GCC2: variants seen among roughly 807,000 people sequenced by gnomAD.
GCC2 encodes the protein GRIP and coiled-coil domain-containing protein 2.
Under a neutral mutation model 210.6 loss-of-function variants are expected in GCC2, and 120 were observed. The observed-to-expected ratio is 0.57, with a 90% CI of 0.49 to 0.66. The LOEUF (loss-of-function observed/expected upper bound fraction) is 0.66, where lower values mean the gene tolerates loss of function less well. GCC2 is among the 30% of genes least tolerant of loss of function. The pLI, the probability that GCC2 is intolerant of heterozygous loss-of-function variation, is 0.00. For missense variants in GCC2, 1,868 were observed against 1,871.9 expected, an observed-to-expected ratio of 1.00 and a Z score of 0.04; for synonymous variants, 703 against 652.7, an observed-to-expected ratio of 1.08 and a Z score of -1.17.
At position 108,470,080 on chromosome 2, in the gene GCC2, G is replaced by A; in HGVS notation, c.751G>A (p.Glu251Lys). ...LLQLKAIHQE[E>K]VKELMCQIEA... Reference sequence around the variant, plus strand: ...ACAGTTGAAAGCTATACACCAAGAAGAGGTGAAAGAGTTGATGTGCCAGAT... The same window carrying A: ...ACAGTTGAAAGCTATACACCAAGAAAAGGTGAAAGAGTTGATGTGCCAGAT... The change falls in exon 6 of 23, where the codon GAG becomes AAG. Residue 251 changes from glutamate (E) to lysine (K), a missense_variant. This residue lies in a region of GCC2 where 1,847 missense variants were observed against 1,765.2 expected (regional missense o/e 1.05). Transcript: ENST00000309863. 1.2e-6 allele frequency: 2 copies of A among 1,613,646 alleles called. No homozygotes were observed. Among genetic ancestry groups the A allele is most frequent in the Admixed American group, 3.3e-5 (2 of 60,010 alleles).
At position 108,470,352 on chromosome 2, in the gene GCC2, A is replaced by T; in HGVS notation, c.1023A>T (p.Leu341Phe). The T allele has an allele frequency of 6.2e-7, 1 of 1,605,736 alleles. No homozygotes were observed. Among genetic ancestry groups the T allele is most frequent in the Non-Finnish European group, 8.5e-7 (1 of 1,175,318 alleles). ...AAGTCAAACACTTAGAAGATACCTT[A>T]AAAGAACTTGAATCTCAACACAGTA... ...NEKVKHLEDTLKELESQHSIL... is the reference protein window; with the variant it reads ...NEKVKHLEDTFKELESQHSIL... The change falls in exon 6 of 23, where the codon TTA (leucine) becomes TTT (phenylalanine). Residue 341 changes from leucine to phenylalanine, a missense_variant. Leu to Phe is a conservative substitution (Grantham distance 22). This residue lies in a region of GCC2 where 1,847 missense variants were observed against 1,765.2 expected (regional missense o/e 1.05). Transcript: ENST00000309863.
chr2:108,483,286 T>TGC, intron 12 of GCC2, 120 bp downstream of exon 12: 1 of 580,616 alleles, frequency 1.7e-6, no homozygotes, highest in Non-Finnish European at 3.1e-6. Flanking sequence ...TGCAGTGGCA[T>TGC]GATCTCGGCT....
At chr2:108,461,162 T>C (rs1416928871) in intron 4 of GCC2, among the ~76,000 whole-genome samples, 1 of 152,220 alleles carries the variant, frequency 6.6e-6, no homozygotes. Context: ...CATTCTCTTA[T>C]CTCCAATGAA....
chr2:108,495,135 C>G, intron 19 of GCC2, 156 bp from the exon 20 acceptor site: 1 of 486,944 alleles, frequency 2.1e-6, no homozygotes, highest in South Asian at 2.7e-5. Context: ...TTAAGAAATG[C>G]TTTAGCAATT....
intron 6 of GCC2, among the ~76,000 whole-genome samples, 195 bp from the exon 7 acceptor site, chr2:108,472,632 C>T (rs1200167833): frequency 6.6e-6 from 1 of 151,288 alleles, no homozygotes; most frequent in Non-Finnish European, 1.5e-5. Context: ...ATAGTAAATG[C>T]CATATGCATA....
chr2:108,505,245 T>A (rs1683125888), intron 22 of GCC2, among the ~76,000 whole-genome samples: 1 of 152,226 alleles, frequency 6.6e-6, no homozygotes, highest in African/African-American at 2.4e-5. Context: ...AGGGAAATGT[T>A]TACAGTCGTC....
Position 108,470,711 on chromosome 2 carries a change from G to T in GCC2, c.1382G>T (p.Gly461Val), listed in dbSNP as rs1038941538. The change falls in exon 6 of 23, where the codon GGT (glycine) becomes GTT (valine). Residue 461 changes from glycine (G) to valine (V), a missense_variant. By Grantham distance (109) the Gly-to-Val change is moderately radical. Coordinates refer to ENST00000309863, the MANE Select transcript of GCC2 (RefSeq NM_181453.4). Reference protein sequence around the residue: ...EKLTLMFEIQGLKEQCENLQQ... With the variant: ...EKLTLMFEIQVLKEQCENLQQ... ...TTAACATTAATGTTTGAAATACAGGGTCTTAAGGAACAGTGTGAAAACCTA... is the reference window on the plus strand; with the variant it reads ...TTAACATTAATGTTTGAAATACAGGTTCTTAAGGAACAGTGTGAAAACCTA... 2.5e-6 allele frequency: 4 copies of T among 1,611,954 alleles called. No homozygotes were observed. The highest frequency in any genetic ancestry group is 3.4e-6 in the Non-Finnish European group (4 of 1,179,002).
rs1313471572 is a variant in GCC2 at position 108,471,959 on chromosome 2, A to C, written c.2630A>C (p.Asn877Thr). 3.1e-6 allele frequency: 5 copies of C among 1,604,604 alleles called. No homozygotes were observed. The South Asian group carries it at 4.5e-5, about 15-fold the overall frequency. Residue 877 changes from asparagine (N) to threonine (T), a missense_variant, in exon 6 of 23, where the codon AAT (asparagine) becomes ACT (threonine). By Grantham distance (65) the Asn-to-Thr change is moderately conservative. This residue lies in a region of GCC2 where 1,847 missense variants were observed against 1,765.2 expected (regional missense o/e 1.05). Coordinates refer to ENST00000309863, the MANE Select transcript of GCC2 (RefSeq NM_181453.4). Reference sequence around the variant, plus strand: ...GAAAAAACAAGGCTTGAAAATCAGAATCTTTTAATTCAAGTTGAAGAAGTA... The same window carrying C: ...GAAAAAACAAGGCTTGAAAATCAGACTCTTTTAATTCAAGTTGAAGAAGTA... ...ANEKTRLENQ[N>T]LLIQVEEVSQ...
chr2:108,500,514 A>T (rs986149854), intron 22 of GCC2, among the ~76,000 whole-genome samples: 3 of 152,152 alleles, frequency 2.0e-5, no homozygotes, highest in African/African-American at 7.2e-5. Flanking sequence ...ATCTCAAACA[A>T]AAAACATCAA....
intron 4 of GCC2, among the ~76,000 whole-genome samples, chr2:108,466,464 T>TTTTATATA (rs1680893199): frequency 6.6e-6 from 1 of 151,026 alleles, no homozygotes; most frequent in East Asian, 1.9e-4. Flanking sequence ...ATGGTTTCTT[T>TTTTATATA]TTTATTTATT....
intron 21 of GCC2, among the ~76,000 whole-genome samples, chr2:108,498,352 T>C (rs1472862185): frequency 9.9e-5 from 15 of 151,542 alleles, no homozygotes; most frequent in Admixed American, 9.9e-4. Flanking sequence ...CGCACCACCA[T>C]GCCCGGCTAA....
chr2:108,457,077 G>A lies in GCC2; in HGVS notation c.216+4611G>A, dbSNP rs190293628. On this transcript the variant is annotated intron_variant, in intron 4 of 22. Coordinates refer to ENST00000309863, the MANE Select transcript of GCC2 (RefSeq NM_181453.4). ...CCTAGACCAATGTCTTGATGCATTT[G>A]CCCTGTGTTTTCTTCTTTTAGTTTT... Among the ~76,000 whole-genome samples the A allele has an allele frequency of 3.8e-3, 577 of 151,938 alleles. 4 individuals are homozygous for A. Among genetic ancestry groups the A allele is most frequent in the Non-Finnish European group, 5.6e-3 (381 of 67,978 alleles).
At chr2:108,476,954 T>C (rs1019662996) in intron 9 of GCC2, among the ~76,000 whole-genome samples, 9 of 152,226 alleles carry the variant, frequency 5.9e-5, no homozygotes, top group Admixed American at 3.9e-4. Flanking sequence ...AATCCAATCT[T>C]AGGAAGCACT....
chr2:108,461,490 T>A (rs1680568272), intron 4 of GCC2, among the ~76,000 whole-genome samples: 1 of 152,092 alleles, frequency 6.6e-6, no homozygotes, highest in Non-Finnish European at 1.5e-5. Flanking sequence ...ACTAAATAGG[T>A]TTTCTGGTAT....
At position 108,507,695 on chromosome 2, in the gene GCC2, TACC is replaced by T. The variant is rs1351142376; in HGVS notation, c.*68_*70del. ...ATTTACAAAAATGGTTCACGTATAT[TACC>T]ACAATTCTTTTGTCAAAAAGTGTGT... On this transcript the variant is annotated 3_prime_UTR_variant, in exon 23 of 23. Coordinates refer to ENST00000309863, the MANE Select transcript of GCC2 (RefSeq NM_181453.4). 8.8e-7 allele frequency: 1 copy of T among 1,131,016 alleles called. No homozygotes were observed. Among genetic ancestry groups the T allele is most frequent in the African/African-American group, 1.6e-5 (1 of 64,328 alleles). The allele number at this position is 1,131,016 out of a possible 1,614,324, so 70.1% of individuals were successfully genotyped here.
rs527697632 is a variant in GCC2, at chr2:108,508,983, G to C, written c.*1353G>C. The C allele has an allele frequency of 2.6e-5, 4 of 152,726 alleles. No individual in the cohort carries two copies. The East Asian group carries it at 5.8e-4, about 22-fold the overall frequency. The allele number at this position is 152,726 out of a possible 1,614,324, so 9.5% of individuals were successfully genotyped here. Reference sequence around the variant, plus strand: ...TTCCAATTCAGTTTAACTGAAATTTGCTGCTGATATGTTGAGTTTGTTCTT... The same window carrying C: ...TTCCAATTCAGTTTAACTGAAATTTCCTGCTGATATGTTGAGTTTGTTCTT... On this transcript the variant is annotated 3_prime_UTR_variant, in exon 23 of 23. Coordinates refer to ENST00000309863, the MANE Select transcript of GCC2 (RefSeq NM_181453.4).
At chr2:108,475,933 C>T in intron 9 of GCC2, 83 bp downstream of exon 9, 1 of 696,898 alleles carries the variant, frequency 1.4e-6, no homozygotes, top group Non-Finnish European at 2.4e-6. Flanking sequence ...AAATGTAAAA[C>T]TATTGTCAAC....
At chr2:108,474,639 G>C (rs1475970569) in intron 7 of GCC2, 1 of 152,156 alleles carries the variant, frequency 6.6e-6, no homozygotes, top group Non-Finnish European at 1.5e-5. Flanking sequence ...TTTTAGAGGG[G>C]CAGTGTGGTT....
chr2:108,498,987 G>A (rs895871523), intron 21 of GCC2, among the ~76,000 whole-genome samples: 4 of 147,314 alleles, frequency 2.7e-5, no homozygotes, highest in Non-Finnish European at 4.5e-5. Flanking sequence ...TCATGGAGAC[G>A]TTCCATCAGT....
Sources: allele counts gnomAD v4.1 joint callset (sites outside exome capture counted in the v4.1 genomes callset), GRCh38; gene constraint gnomAD v4.1.1; regional missense constraint gnomAD v4.1.1; transcripts MANE v1.5; gene names NCBI Gene and HGNC (gene_info 2026-07-23, HGNC 2026-07-21).